CTNNA3: variants seen among roughly 807,000 people sequenced by gnomAD.
CTNNA3 encodes the protein catenin alpha-3.
Under a neutral mutation model 95.7 loss-of-function variants are expected in CTNNA3, and 76 were observed. The observed-to-expected ratio is 0.79, with a 90% CI of 0.66 to 0.96. CTNNA3 has a LOEUF of 0.96. Ranked by LOEUF, CTNNA3 falls within the 40% of genes least tolerant of loss-of-function variation. The pLI is 0.00. For synonymous variants in CTNNA3, 431 were observed against 374.4 expected (o/e 1.15, Z -1.74); for missense variants, 1,191 against 1,089.8 (o/e 1.09, Z -1.31).
chr10:66,607,742 C>T (rs946060762), intron 10 of CTNNA3, among the ~76,000 whole-genome samples: 3 of 152,090 alleles, frequency 2.0e-5, no homozygotes, highest in Non-Finnish European at 2.9e-5. Flanking sequence ...CAATAAAATT[C>T]AGTATCACTT....
At chr10:67,695,573 A>G (rs1840948775) in intron 1 of CTNNA3, among the ~76,000 whole-genome samples, 1 of 152,214 alleles carries the variant, frequency 6.6e-6, no homozygotes, top group Non-Finnish European at 1.5e-5. Context: ...CACTTGAAAC[A>G]TCTTCCATTT....
chr10:67,385,637 C>T (rs78762659), intron 5 of CTNNA3, among the ~76,000 whole-genome samples: 1,905 of 152,162 alleles, frequency 0.013, 41 homozygotes, highest in African/African-American at 0.042. Flanking sequence ...AGGAGAATTA[C>T]CCAACTCTTC....
rs534487431 is a variant in CTNNA3, at chr10:67,468,414, T to A, written c.579+53428A>T. On this transcript the variant is annotated intron_variant, in intron 5 of 17. Transcript: ENST00000433211. ...GAAGAAAAATAATTTAAAAGTTTTT[T>A]AAAAAAATTAGTGTATGCACCGCCA... Among the ~76,000 whole-genome samples the A allele has an allele frequency of 3.9e-5, 6 of 152,206 alleles. No individual in the cohort carries two copies. In the South Asian group the frequency reaches 6.2e-4, roughly 16 times the overall value.
At chr10:67,379,708 A>C (rs1199111882) in intron 5 of CTNNA3, among the ~76,000 whole-genome samples, 1 of 152,154 alleles carries the variant, frequency 6.6e-6, no homozygotes, top group Non-Finnish European at 1.5e-5. Context: ...AAAATCCTAA[A>C]CCATGAGTAG....
intron 7 of CTNNA3, among the ~76,000 whole-genome samples, chr10:66,936,160 T>C (rs1847681885): frequency 6.6e-6 from 1 of 152,170 alleles, no homozygotes; most frequent in African/African-American, 2.4e-5. Context: ...TTTTATGGGC[T>C]TTACTCTGGT....
At chr10:66,803,577 G>A (rs2132240525) in intron 7 of CTNNA3, among the ~76,000 whole-genome samples, 1 of 136,574 alleles carries the variant, frequency 7.3e-6, no homozygotes, top group Non-Finnish European at 1.6e-5. Context: ...ATCCTATAAA[G>A]CAACAATAAC....
At chr10:66,394,166 A>G (rs2092955727) in intron 11 of CTNNA3, among the ~76,000 whole-genome samples, 3 of 152,060 alleles carry the variant, frequency 2.0e-5, no homozygotes, top group Admixed American at 2.0e-4. Flanking sequence ...TAATTCTGCA[A>G]AGCTTACATT....
At chr10:67,481,312 C>T (rs571721375) in intron 5 of CTNNA3, among the ~76,000 whole-genome samples, 6 of 152,086 alleles carry the variant, frequency 3.9e-5, no homozygotes, top group Non-Finnish European at 7.4e-5. Flanking sequence ...AAAATGCATC[C>T]ACATAGGAAA....
At chr10:67,763,234 T>C (rs1328326742) in intron 1 of CTNNA3, among the ~76,000 whole-genome samples, 7 of 151,048 alleles carry the variant, frequency 4.6e-5, no homozygotes, top group Admixed American at 4.0e-4. Flanking sequence ...GCAGTATTCA[T>C]AGAGAAAATG....
intron 7 of CTNNA3, among the ~76,000 whole-genome samples, chr10:67,059,543 A>G (rs1855638216): frequency 6.6e-6 from 1 of 152,182 alleles, no homozygotes; most frequent in African/African-American, 2.4e-5. Flanking sequence ...ATGTCGTCAA[A>G]GTATATTTGG....
intron 13 of CTNNA3, among the ~76,000 whole-genome samples, chr10:66,117,496 A>G (rs1160213805): frequency 6.6e-6 from 1 of 152,142 alleles, no homozygotes; most frequent in Non-Finnish European, 1.5e-5. Context: ...GCAGCAGGGG[A>G]CCACATATTT....
intron 11 of CTNNA3, among the ~76,000 whole-genome samples, chr10:66,477,716 C>G (rs1442657790): frequency 6.6e-6 from 1 of 152,014 alleles, no homozygotes; most frequent in African/African-American, 2.4e-5. Flanking sequence ...TAGGGCAATA[C>G]AAACTATAAC....
intron 11 of CTNNA3, among the ~76,000 whole-genome samples, chr10:66,421,690 G>T (rs2093194406): frequency 6.6e-6 from 1 of 151,412 alleles, no homozygotes; most frequent in Non-Finnish European, 1.5e-5. Flanking sequence ...ACAAAAATTA[G>T]TTGGGCTTGG....
At position 66,585,709 on chromosome 10, in the gene CTNNA3, T is replaced by C. The variant is rs1462253032; in HGVS notation, c.1374+35983A>G. Among the ~76,000 whole-genome samples the C allele has an allele frequency of 2.0e-5, 3 of 152,068 alleles. No individual in the cohort carries two copies. In the East Asian group the frequency reaches 5.8e-4, roughly 29 times the overall value. ...GTTTTCAACTTTCTCTTATGTCTCC[T>C]TGATTAACATAATAATCAACTTTTT... On this transcript the variant is annotated intron_variant, in intron 10 of 17. Coordinates refer to ENST00000433211, the MANE Select transcript of CTNNA3 (RefSeq NM_013266.4).
At chr10:66,436,051 T>C (rs2093335100) in intron 11 of CTNNA3, among the ~76,000 whole-genome samples, 1 of 152,122 alleles carries the variant, frequency 6.6e-6, no homozygotes, top group South Asian at 2.1e-4. Context: ...TGTTTGTTAT[T>C]ATTTCCATTT....
chr10:66,046,908 A>T (rs754427616), intron 15 of CTNNA3, among the ~76,000 whole-genome samples: 1 of 151,998 alleles, frequency 6.6e-6, no homozygotes, highest in African/African-American at 2.4e-5. Flanking sequence ...GGACACATAC[A>T]CCCTCCCAAG....
chr10:67,749,993 A>T (rs1266059701), intron 1 of CTNNA3, among the ~76,000 whole-genome samples: 1 of 151,894 alleles, frequency 6.6e-6, no homozygotes, highest in Non-Finnish European at 1.5e-5. Flanking sequence ...GCTGCTGCTC[A>T]CTCTTTCAGT....
chr10:66,486,588 T>G (rs933644044), intron 11 of CTNNA3, among the ~76,000 whole-genome samples: 1 of 152,144 alleles, frequency 6.6e-6, no homozygotes, highest in African/African-American at 2.4e-5. Context: ...TTGTACACTG[T>G]TCGTGGGAAC....
intron 7 of CTNNA3, among the ~76,000 whole-genome samples, chr10:67,120,594 C>G (rs760475649): frequency 7.9e-5 from 12 of 151,926 alleles, no homozygotes; most frequent in Non-Finnish European, 1.6e-4. Flanking sequence ...GAAAATTGAG[C>G]ACTTTCCAGA....
Sources: gnomAD v4.1 joint callset for allele counts (sites outside exome capture counted in the v4.1 genomes callset) on GRCh38, gnomAD v4.1.1 for gene constraint, MANE v1.5 for transcripts, NCBI Gene and HGNC (gene_info 2026-07-23, HGNC 2026-07-21) for gene names.